Variants in ECE1 observed in about 807,000 individuals in gnomAD.
ECE1 encodes the protein endothelin converting enzyme 1, also known as endothelin-converting enzyme 1.
In ECE1, 35 loss-of-function variants were observed where a neutral mutation model predicts 98.6. The observed-to-expected ratio is 0.35, with a 90% confidence interval of 0.27 to 0.47. ECE1 has a LOEUF of 0.47. ECE1 is among the 20% of genes least tolerant of loss of function. The pLI, the probability that ECE1 is intolerant of heterozygous loss-of-function variation, is 1.00. For synonymous variants in ECE1, 394 were observed against 407.1 expected (o/e 0.97, Z 0.39); for missense variants, 814 against 1,025.3 (o/e 0.79, Z 2.81).
intron 1 of ECE1, among the ~76,000 whole-genome samples, chr1:21,308,400 C>A (rs1162772306): frequency 6.6e-6 from 1 of 152,078 alleles, no homozygotes; most frequent in Non-Finnish European, 1.5e-5. Flanking sequence ...CCACAAACGG[C>A]AAAGCACTCT....
intron 1 of ECE1, among the ~76,000 whole-genome samples, chr1:21,323,001 C>T (rs1020954139): frequency 5.9e-5 from 9 of 152,168 alleles, no homozygotes; most frequent in Non-Finnish European, 1.3e-4. Context: ...GGAGAGTCAA[C>T]CTGTGCCCTG....
At chr1:21,336,775 G>A (rs1639312323) in intron 1 of ECE1, among the ~76,000 whole-genome samples, 1 of 152,158 alleles carries the variant, frequency 6.6e-6, no homozygotes, top group African/African-American at 2.4e-5. Context: ...CCCAAAAGGT[G>A]GAGCTTGCAG....
At chr1:21,239,825 G>A (rs1408397424) in intron 10 of ECE1, among the ~76,000 whole-genome samples, 1 of 151,726 alleles carries the variant, frequency 6.6e-6, no homozygotes, top group East Asian at 1.9e-4. Context: ...AGGCAGAAGG[G>A]GATATTCTCT....
At chr1:21,245,176 C>T (rs2098201728) in intron 9 of ECE1, 73 bp from the exon 10 acceptor site, 3 of 1,354,362 alleles carry the variant, frequency 2.2e-6, no homozygotes, top group East Asian at 4.8e-5. Context: ...CCCTGCTGGC[C>T]CCTAGGGGGC....
chr1:21,239,952 C>T (rs2103248248), intron 10 of ECE1, among the ~76,000 whole-genome samples: 1 of 152,264 alleles, frequency 6.6e-6, no homozygotes, highest in African/African-American at 2.4e-5. Flanking sequence ...AAGTGGATCA[C>T]TTGAGGTCAG....
Position 21,260,685 on chromosome 1 carries a change from C to T in ECE1, c.494-293G>A, listed in dbSNP as rs3026876. Among the ~76,000 whole-genome samples the T allele has an allele frequency of 0.01, 1,578 of 152,296 alleles. 32 individuals carry two copies. Among genetic ancestry groups the T allele is most frequent in the African/African-American group, 0.036 (1,505 of 41,548 alleles). The stretch of plus-strand genomic sequence containing the variant: ...CAGACGTGTCCCCGGGTTGACCGCA[C>T]GTGCCCACCAGCAGGACAGTGTTCT... On this transcript the variant is annotated intron_variant, in intron 4 of 18. Transcript: ENST00000374893. The surrounding 1 kb of genome is among the most constrained non-coding windows in gnomAD (Gnocchi z 4.3).
Position 21,260,471 on chromosome 1 carries a change from A to C in ECE1, c.494-79T>G. 1 of 1,566,128 alleles carries C rather than the reference A, an allele frequency of 6.4e-7. No individual in the cohort carries two copies. Among genetic ancestry groups the C allele is most frequent in the South Asian group, 1.1e-5 (1 of 90,044 alleles). ...GCTTTGGGGCAGTCCCTCTTTTCGG[A>C]GCCTTGGTGTTCTCAGCTGCAAAGG... On this transcript the variant is annotated intron_variant, in intron 4 of 18. Transcript: ENST00000374893. The surrounding 1 kb of genome is among the most constrained non-coding windows in gnomAD (Gnocchi z 4.3).
intron 4 of ECE1, among the ~76,000 whole-genome samples, chr1:21,267,796 C>T (rs911858513): frequency 2.6e-5 from 4 of 152,082 alleles, no homozygotes; most frequent in African/African-American, 7.2e-5. Flanking sequence ...TTCCAATATG[C>T]GCAGGAAGAT....
Position 21,217,676 on chromosome 1 carries a change from G to T in ECE1, c.*2279C>A. The stretch of plus-strand genomic sequence containing the variant: ...AGGCAGGAGGGTCGGGGGAGGGGAG[G>T]CAGAGGGGACACCATGGCTGGGAGA... On this transcript the variant is annotated 3_prime_UTR_variant, in exon 19 of 19. Coordinates refer to ENST00000374893, the MANE Select transcript of ECE1 (RefSeq NM_001397.3). The T allele has an allele frequency of 6.6e-6, 1 of 152,574 alleles. No individual in the cohort carries two copies. Among genetic ancestry groups the T allele is most frequent in the Non-Finnish European group, 1.5e-5 (1 of 68,190 alleles). 9.5% of individuals were successfully genotyped at this position (152,574 alleles called of 1,614,324 possible). A position where few individuals can be genotyped will look rare whatever the true frequency, so the allele number is the denominator to read the frequency against.
intron 17 of ECE1, among the ~76,000 whole-genome samples, chr1:21,224,803 C>G (rs1285449366): frequency 6.6e-6 from 1 of 152,192 alleles, no homozygotes. Flanking sequence ...TAATCAGAGC[C>G]AAGTCAAGTG....
intron 1 of ECE1, among the ~76,000 whole-genome samples, chr1:21,320,269 A>AGGGCTC (rs1638933184): frequency 6.6e-6 from 1 of 152,222 alleles, no homozygotes; most frequent in Non-Finnish European, 1.5e-5. Flanking sequence ...GTATGGGCTC[A>AGGGCTC]AACAGGTCAC....
At chr1:21,281,274 A>T (rs897544164) in intron 2 of ECE1, among the ~76,000 whole-genome samples, 4 of 152,222 alleles carry the variant, frequency 2.6e-5, no homozygotes, top group African/African-American at 9.6e-5. Context: ...GAGGCCCAGG[A>T]GGCTCAGACA....
intron 8 of ECE1, 29 bp from the exon 9 acceptor site, chr1:21,247,392 G>A (rs776731862): frequency 1.2e-6 from 2 of 1,614,164 alleles, no homozygotes; most frequent in African/African-American, 2.7e-5. Flanking sequence ...GTGTGACCCT[G>A]TGGGGCTGCT....
chr1:21,289,884 G>T (rs747628210), intron 2 of ECE1, among the ~76,000 whole-genome samples, 186 bp downstream of exon 2: 5 of 151,622 alleles, frequency 3.3e-5, no homozygotes, highest in Non-Finnish European at 7.4e-5. Context: ...AGACTGGTGG[G>T]CTCCGGAAGG....
At chr1:21,312,113 A>C (rs1376806148) in intron 1 of ECE1, among the ~76,000 whole-genome samples, 19 of 135,350 alleles carry the variant, frequency 1.4e-4, no homozygotes, top group Non-Finnish European at 3.1e-5. Context: ...ACAGAGTGAG[A>C]TTCTGTCTCA....
At chr1:21,222,506 G>C (rs1197131923) in intron 17 of ECE1, among the ~76,000 whole-genome samples, 1 of 152,072 alleles carries the variant, frequency 6.6e-6, no homozygotes. Context: ...GTGGGCTAAT[G>C]GTCACCGCTG....
At chr1:21,244,387 G>A (rs1476391720) in intron 10 of ECE1, among the ~76,000 whole-genome samples, 2 of 152,198 alleles carry the variant, frequency 1.3e-5, no homozygotes, top group Non-Finnish European at 2.9e-5. Flanking sequence ...AGTTCAATGA[G>A]TAACCATTAG....
chr1:21,243,240 A>G (rs2098198776), intron 10 of ECE1, among the ~76,000 whole-genome samples: 1 of 152,206 alleles, frequency 6.6e-6, no homozygotes. Flanking sequence ...GGAATTCATA[A>G]TGCCTATAAA....
chr1:21,307,733 A>G lies in ECE1; in HGVS notation c.4-17577T>C, dbSNP rs1396059949. ...TGTGGCGGCCAGGCTGTACCCACGC[A>G]GGGCCACTGCTCCTAGGGCACTGGG... On this transcript the variant is annotated intron_variant, in intron 1 of 18. Transcript: ENST00000415912. The surrounding 1 kb of genome is among the most constrained non-coding windows in gnomAD (Gnocchi z 4.2). Among the ~76,000 whole-genome samples, 4 of 152,160 alleles carry G rather than the reference A, an allele frequency of 2.6e-5. No homozygotes were observed. The highest frequency in any genetic ancestry group is 9.7e-5 in the African/African-American group (4 of 41,438).
Sources: gnomAD v4.1 joint callset for allele counts (sites outside exome capture counted in the v4.1 genomes callset) on GRCh38, gnomAD v4.1.1 for gene constraint, Gnocchi (gnomAD v3.1) non-coding constraint, MANE v1.5 for transcripts, NCBI Gene and HGNC (gene_info 2026-07-23, HGNC 2026-07-21) for gene names.